PTPRQ: variants seen among roughly 807,000 people sequenced by gnomAD.
PTPRQ encodes protein tyrosine phosphatase receptor type Q.
A neutral mutation model predicts 246.0 loss-of-function variants in PTPRQ; 199 were observed. The ratio of observed to expected loss-of-function variants is 0.81; its 90% confidence interval spans 0.72 to 0.91. PTPRQ has a LOEUF of 0.91. Ranked by LOEUF, PTPRQ falls within the 40% of genes least tolerant of loss-of-function variation. The probability of loss-of-function intolerance (pLI) is 0.00; values close to 1 mark genes in which losing one functional copy is unlikely to be tolerated. For missense variants in PTPRQ, 2,624 were observed against 2,528.4 expected, an observed-to-expected ratio of 1.04 and a Z score of -0.81; for synonymous variants, 869 against 853.2, an observed-to-expected ratio of 1.02 and a Z score of -0.32.
chr12:80,533,480 C>A (rs1895901803), intron 17 of PTPRQ, among the ~76,000 whole-genome samples: 1 of 151,890 alleles, frequency 6.6e-6, no homozygotes. Context: ...TGTTTCCAAT[C>A]TCATTTCTAT....
At chr12:80,466,399 A>T (rs1168537485) in intron 6 of PTPRQ, among the ~76,000 whole-genome samples, 1 of 152,220 alleles carries the variant, frequency 6.6e-6, no homozygotes, top group Admixed American at 6.5e-5. Context: ...CATGGGTAGG[A>T]AGAATCAATA....
chr12:80,604,935 TA>T, intron 26 of PTPRQ, 123 bp from the exon 27 acceptor site: 1 of 1,043,504 alleles, frequency 9.6e-7, no homozygotes, highest in Non-Finnish European at 1.3e-6. Flanking sequence ...CTGTGAAATA[TA>T]AATTAATGTA....
intron 6 of PTPRQ, among the ~76,000 whole-genome samples, 192 bp from the exon 7 acceptor site, chr12:80,468,518 T>C (rs971672544): frequency 1.1e-4 from 16 of 152,218 alleles, no homozygotes; most frequent in African/African-American, 3.9e-4. Context: ...TAAGTTTATC[T>C]GATGATCCAG....
At position 80,446,045 on chromosome 12, in the gene PTPRQ, C is replaced by G. The variant is rs7311006; in HGVS notation, c.390+328C>G. 0.28 allele frequency among the ~76,000 whole-genome samples: 42,049 copies of G among 151,528 alleles called. 6,295 individuals are homozygous for G. Among genetic ancestry groups the G allele is most frequent in the African/African-American group, 0.38 (15,869 of 41,334 alleles). On this transcript the variant is annotated intron_variant, in intron 3 of 44. Coordinates refer to ENST00000644991, the MANE Select transcript of PTPRQ (RefSeq NM_001145026.2). ...AAGTTAAAGAAGGAAAACTTAAATG[C>G]AAACAAGAGGCCAGGGTAGTTTGAA...
intron 26 of PTPRQ, 53 bp downstream of exon 26, chr12:80,588,505 T>C: frequency 7.1e-7 from 1 of 1,405,192 alleles, no homozygotes; most frequent in East Asian, 2.6e-5. Context: ...TCTGTATCTG[T>C]CTATATATTA....
intron 17 of PTPRQ, among the ~76,000 whole-genome samples, chr12:80,520,214 A>C (rs76165451): frequency 0.03 from 4,545 of 152,102 alleles, 259 homozygotes; most frequent in African/African-American, 0.1. Flanking sequence ...TAATTTCCAC[A>C]TGTTGTTGGA....
rs998478160 is a variant in PTPRQ, at chr12:80,506,593, T to C, written c.2480T>C (p.Ile827Thr). ...GTACTGAAGAAATATACCCAATATATCATTGAGGTGTCTGCTAGTACACTC... is the reference window on the plus strand; with the variant it reads ...GTACTGAAGAAATATACCCAATATACCATTGAGGTGTCTGCTAGTACACTC... ...IKVLKKYTQY[I>T]IEVSASTLKG... Residue 827 changes from isoleucine to threonine, a missense_variant, in exon 16 of 45, where the codon ATC becomes ACC. Ile to Thr is a moderately conservative substitution (Grantham distance 89, BLOSUM62 -1). Transcript: ENST00000644991. 2.3e-5 allele frequency: 35 copies of C among 1,539,098 alleles called. No individual in the cohort carries two copies. The highest frequency in any genetic ancestry group is 1.8e-4 in the Admixed American group (9 of 50,302).
rs2121221304 is a variant in PTPRQ, at chr12:80,648,892, T to C, written c.5916-5T>C. On this transcript the variant is annotated splice_polypyrimidine_tract_variant and splice_region_variant and intron_variant, in intron 35 of 44. Transcript: ENST00000644991. ...ACAATGCATTTAACACAATCTCTAT[T>C]GCAGGTTACTTAGTTATAGAAAATC... 1 of 1,530,884 alleles carries C rather than the reference T, an allele frequency of 6.5e-7. No individual in the cohort carries two copies. The highest frequency in any genetic ancestry group is 1.7e-4 in the Middle Eastern group (1 of 5,942). 94.8% of individuals were successfully genotyped at this position (1,530,884 alleles called of 1,614,324 possible).
intron 14 of PTPRQ, among the ~76,000 whole-genome samples, chr12:80,502,351 A>G (rs1180548530): frequency 5.9e-5 from 9 of 151,968 alleles, no homozygotes; most frequent in Admixed American, 5.3e-4. Flanking sequence ...TGGTGAAAAC[A>G]TACTTTAAAG....
intron 33 of PTPRQ, among the ~76,000 whole-genome samples, chr12:80,630,521 T>C (rs914044800): frequency 1.3e-5 from 2 of 152,138 alleles, no homozygotes; most frequent in African/African-American, 2.4e-5. Context: ...AATTGATCAG[T>C]AGGCTTGGTG....
chr12:80,472,846 A>G (rs576330743), intron 8 of PTPRQ, among the ~76,000 whole-genome samples: 48 of 152,286 alleles, frequency 3.2e-4, no homozygotes, highest in Admixed American at 4.6e-4. Context: ...ATTTCACAAC[A>G]TATCTTTCAG....
chr12:80,543,806 A>G (rs1297455166), intron 23 of PTPRQ, among the ~76,000 whole-genome samples: 1 of 152,120 alleles, frequency 6.6e-6, no homozygotes, highest in Non-Finnish European at 1.5e-5. Flanking sequence ...TTTGAATCCT[A>G]TTACTCCATA....
chr12:80,570,998 A>G (rs1276813492), intron 25 of PTPRQ, among the ~76,000 whole-genome samples: 1 of 152,160 alleles, frequency 6.6e-6, no homozygotes, highest in Non-Finnish European at 1.5e-5. Context: ...CTTGTAATAT[A>G]GTTTGAAGCC....
intron 33 of PTPRQ, among the ~76,000 whole-genome samples, chr12:80,629,539 G>A (rs1427130912): frequency 6.6e-6 from 1 of 152,026 alleles, no homozygotes; most frequent in Non-Finnish European, 1.5e-5. Context: ...AGGCTAATCT[G>A]GCTCCCTAGG....
chr12:80,535,147 C>G (rs1374249442), intron 19 of PTPRQ, 110 bp downstream of exon 19: 7 of 1,092,032 alleles, frequency 6.4e-6, no homozygotes, highest in Non-Finnish European at 8.7e-6. Context: ...TAATTAGGCA[C>G]AGATGTATTT....
rs1489057209 is a variant in PTPRQ at position 80,619,413 on chromosome 12, C to G, written c.5260C>G (p.Pro1754Ala). Residue 1754 changes from proline (P) to alanine (A), a missense_variant, in exon 31 of 45, where the codon CCT (proline) becomes GCT (alanine). Transcript: ENST00000644991. ...APARPKTKPT[P>A]IYDATGKLLV... is the part of the protein sequence containing the mutation. Reference sequence around the variant, plus strand: ...AGCACGACCAAAAACCAAACCAACCCCTATTTATGATGCCACAGGAAAACT... The same window carrying G: ...AGCACGACCAAAAACCAAACCAACCGCTATTTATGATGCCACAGGAAAACT... The G allele has an allele frequency of 1.3e-6, 2 of 1,547,532 alleles. No homozygotes were observed. Among genetic ancestry groups the G allele is most frequent in the African/African-American group, 2.8e-5 (2 of 72,696 alleles).
At chr12:80,619,232 G>A (rs1284701024) in intron 30 of PTPRQ, among the ~76,000 whole-genome samples, 152 bp from the exon 31 acceptor site, 2 of 151,500 alleles carry the variant, frequency 1.3e-5, no homozygotes, top group Non-Finnish European at 3.0e-5. Flanking sequence ...ATTGCTAAAT[G>A]TCTGCTGTCT....
chr12:80,465,686 CA>C (rs1352760412), intron 6 of PTPRQ: 1 of 152,126 alleles, frequency 6.6e-6, no homozygotes. Context: ...CCCTGGGATG[CA>C]AGGCTGGTTC....
intron 19 of PTPRQ, among the ~76,000 whole-genome samples, chr12:80,539,059 G>C (rs1392757213): frequency 6.6e-6 from 1 of 151,934 alleles, no homozygotes; most frequent in Non-Finnish European, 1.5e-5. Flanking sequence ...TTTTATTTTA[G>C]AATTAATTTT....
Sources: allele counts gnomAD v4.1 joint callset (sites outside exome capture counted in the v4.1 genomes callset), GRCh38; gene constraint gnomAD v4.1.1; transcripts MANE v1.5; gene names NCBI Gene and HGNC (gene_info 2026-07-23, HGNC 2026-07-21).